The following TANC2 variants were observed in gnomAD, a reference collection of about 807,000 sequenced individuals.
The protein encoded by TANC2 is tetratricopeptide repeat, ankyrin repeat and coiled-coil containing 2, also known as protein TANC2.
TANC2 carries 26 observed loss-of-function variants against 210.5 expected under a neutral mutation model. The observed-to-expected ratio is 0.12, with a 90% confidence interval of 0.09 to 0.17. The LOEUF (loss-of-function observed/expected upper bound fraction) is 0.17, where lower values mean the gene tolerates loss of function less well. Ranked by LOEUF, TANC2 falls within the 10% of genes least tolerant of loss-of-function variation. The pLI, the probability that TANC2 is intolerant of heterozygous loss-of-function variation, is 1.00. For missense variants in TANC2, 2,129 were observed against 2,608.9 expected, an observed-to-expected ratio of 0.82 and a Z score of 4.01; for synonymous variants, 931 against 967.1, an observed-to-expected ratio of 0.96 and a Z score of 0.69.
chr17:63,357,174 C>A (rs752518612), intron 14 of TANC2, among the ~76,000 whole-genome samples: 1 of 152,142 alleles, frequency 6.6e-6, no homozygotes, highest in Non-Finnish European at 1.5e-5. Flanking sequence ...GCCTAATAAA[C>A]GCTTTGAGAT....
At chr17:62,981,724 C>T (rs1417762293) in intron 1 of TANC2, among the ~76,000 whole-genome samples, 2 of 152,192 alleles carry the variant, frequency 1.3e-5, no homozygotes, top group Non-Finnish European at 2.9e-5. Flanking sequence ...CAGAGGCACC[C>T]TCATTTTTGA....
At chr17:63,150,193 A>G (rs1158269281) in intron 4 of TANC2, 1 of 152,182 alleles carries the variant, frequency 6.6e-6, no homozygotes, top group Non-Finnish European at 1.5e-5. Context: ...GAGAAAAGTA[A>G]TGTGATCTTA....
chr17:63,383,332 A>T (rs1309976528), intron 15 of TANC2, among the ~76,000 whole-genome samples: 1 of 152,166 alleles, frequency 6.6e-6, no homozygotes, highest in Admixed American at 6.6e-5. Context: ...TCATTGCACT[A>T]AAATTCCTTT....
intron 5 of TANC2, among the ~76,000 whole-genome samples, chr17:63,165,766 A>T (rs1412977871): frequency 6.6e-6 from 1 of 152,238 alleles, no homozygotes; most frequent in Non-Finnish European, 1.5e-5. Flanking sequence ...CATTTGAATG[A>T]ATTGTGCTAT....
chr17:63,322,321 G>A (rs1416590043), intron 11 of TANC2, among the ~76,000 whole-genome samples: 12 of 151,914 alleles, frequency 7.9e-5, no homozygotes, highest in Non-Finnish European at 1.6e-4. Flanking sequence ...ACATGGTGAA[G>A]CCCCGTCTCT....
intron 2 of TANC2, among the ~76,000 whole-genome samples, chr17:63,029,687 A>G (rs544003179): frequency 1.9e-4 from 29 of 152,268 alleles, no homozygotes; most frequent in African/African-American, 6.5e-4. Flanking sequence ...CTTACTGTAT[A>G]TCAGAAATTG....
chr17:63,066,709 G>C (rs2036211452), intron 2 of TANC2, among the ~76,000 whole-genome samples: 1 of 151,802 alleles, frequency 6.6e-6, no homozygotes, highest in East Asian at 1.9e-4. Flanking sequence ...ATAGTACCAA[G>C]AGTTGTCAGG....
rs368455522 is a variant in TANC2 at position 63,415,570 on chromosome 17, C to T, written c.4063C>T (p.Leu1355=). ...AGCTGCCCAGCGCTACCAGTACGCC[C>T]TGAAGAAGTTCCCTAGAGAAGGGTT... Residue 1355 remains leucine, a synonymous_variant, in exon 26 of 28, where the codon CTG becomes TTG. Coordinates refer to ENST00000689528, the Ensembl canonical transcript of TANC2. The T allele has an allele frequency of 1.1e-5, 17 of 1,613,798 alleles. No homozygotes were observed. The African/African-American group carries it at 2.3e-4, about 22-fold the overall frequency.
chr17:63,121,458 T>G (rs1038516744), intron 4 of TANC2, among the ~76,000 whole-genome samples: 1 of 152,032 alleles, frequency 6.6e-6, no homozygotes, highest in Admixed American at 6.6e-5. Context: ...TTGGCCTACA[T>G]CAGTGATTTT....
intron 14 of TANC2, among the ~76,000 whole-genome samples, chr17:63,360,061 G>C (rs1223413737): frequency 6.6e-6 from 1 of 152,220 alleles, no homozygotes; most frequent in East Asian, 1.9e-4. Context: ...AGGAAAAAGA[G>C]AGGGTGTCCT....
At chr17:63,320,544 G>A (rs1276318565) in intron 11 of TANC2, 1 of 152,048 alleles carries the variant, frequency 6.6e-6, no homozygotes, top group East Asian at 1.9e-4. Flanking sequence ...GTTTCTAAAA[G>A]CATCATTATT....
chr17:63,057,313 T>C (rs571422588), intron 2 of TANC2, among the ~76,000 whole-genome samples: 66 of 152,326 alleles, frequency 4.3e-4, no homozygotes, highest in Non-Finnish European at 7.3e-5. Context: ...GAAAATTGAC[T>C]TAAGACTGTA....
chr17:63,055,362 A>G (rs2035731454), intron 2 of TANC2, among the ~76,000 whole-genome samples: 1 of 151,832 alleles, frequency 6.6e-6, no homozygotes, highest in Non-Finnish European at 1.5e-5. Context: ...ATTGTTTTAT[A>G]TTATTTATAA....
At chr17:63,408,341 AAGAG>A (rs2048583434) in intron 21 of TANC2, among the ~76,000 whole-genome samples, 1 of 152,186 alleles carries the variant, frequency 6.6e-6, no homozygotes, top group African/African-American at 2.4e-5. Context: ...TGAGAAAGAA[AAGAG>A]AGAAGAGGAA....
intron 3 of TANC2, among the ~76,000 whole-genome samples, chr17:63,078,702 T>C (rs72843182): frequency 0.045 from 6,917 of 152,284 alleles, 240 homozygotes; most frequent in Non-Finnish European, 0.073. Flanking sequence ...GTTTTTCAGA[T>C]ATCTTTCTCT....
At chr17:63,202,525 A>G (rs1379156861) in intron 7 of TANC2, among the ~76,000 whole-genome samples, 2 of 152,302 alleles carry the variant, frequency 1.3e-5, no homozygotes, top group East Asian at 3.9e-4. Flanking sequence ...TCCCAAAATT[A>G]TAGTATATGC....
At chr17:63,058,771 A>G (rs530028086) in intron 2 of TANC2, among the ~76,000 whole-genome samples, 15 of 152,040 alleles carry the variant, frequency 9.9e-5, no homozygotes, top group South Asian at 2.1e-4. Flanking sequence ...ATTCTCATCT[A>G]TTGGTCTATG....
chr17:63,068,950 T>C (rs2036300391), intron 2 of TANC2, among the ~76,000 whole-genome samples: 1 of 152,152 alleles, frequency 6.6e-6, no homozygotes, highest in Admixed American at 6.5e-5. Context: ...ATTTTACATA[T>C]TAAGATATAG....
intron 17 of TANC2, among the ~76,000 whole-genome samples, chr17:63,392,481 T>A (rs1480658165): frequency 6.6e-6 from 1 of 152,204 alleles, no homozygotes; most frequent in Admixed American, 6.5e-5. Flanking sequence ...CACTTTTCAA[T>A]GTTATCCTCA....
Sources: gnomAD v4.1 joint callset for allele counts (sites outside exome capture counted in the v4.1 genomes callset) on GRCh38, gnomAD v4.1.1 for gene constraint, MANE v1.5 for transcripts, NCBI Gene and HGNC (gene_info 2026-07-23, HGNC 2026-07-21) for gene names.